TCF7L2: variants seen among roughly 807,000 people sequenced by gnomAD.
TCF7L2 encodes transcription factor 7 like 2.
In TCF7L2, 23 loss-of-function variants were observed where a neutral mutation model predicts 77.9. That is an observed-to-expected ratio of 0.30 (90% confidence interval 0.21 to 0.42). TCF7L2 has a LOEUF of 0.42. Among genes scored for constraint, TCF7L2 ranks in the 10% least tolerant of loss-of-function variants. The pLI is 1.00. For missense variants in TCF7L2, 654 were observed against 793.1 expected (o/e 0.82, Z 2.11); for synonymous variants, 413 against 340.2 (o/e 1.21, Z -2.36).
At chr10:113,044,638 G>A (rs368784571) in intron 5 of TCF7L2, among the ~76,000 whole-genome samples, 10 of 152,190 alleles carry the variant, frequency 6.6e-5, no homozygotes, top group Non-Finnish European at 8.8e-5. Context: ...AGAAGTTGGC[G>A]GGGATTACAG....
At position 113,151,153 on chromosome 10, in the gene TCF7L2, C is replaced by T. The variant is rs78289286; in HGVS notation, c.1001+30C>T. On this transcript the variant is annotated intron_variant, in intron 9 of 13. Coordinates refer to ENST00000627217, the MANE Select transcript of TCF7L2 (RefSeq NM_001146274.2). This position sits in a 1 kb window ranked among gnomAD's most constrained non-coding sequence, Gnocchi z 5.2. Reference sequence around the variant, plus strand: ...GTGTTGCTGTTTTTCTCACCTTCTTCGTAGCCGCAGTGTTCTGCAAGCCTG... The same window carrying T: ...GTGTTGCTGTTTTTCTCACCTTCTTTGTAGCCGCAGTGTTCTGCAAGCCTG... The T allele has an allele frequency of 8.1e-3, 13,092 of 1,613,956 alleles. 70 individuals carry two copies. The highest frequency in any genetic ancestry group is 9.1e-3 in the Non-Finnish European group (10,751 of 1,179,920).
chr10:113,089,732 C>T lies in TCF7L2; in HGVS notation c.552+49606C>T, dbSNP rs117955550. ...GATAGGGATATCATAGCCATAAAAACGCCTGTTTACAAGGAGAGGGTGGAG... is the reference window on the plus strand; with the variant it reads ...GATAGGGATATCATAGCCATAAAAATGCCTGTTTACAAGGAGAGGGTGGAG... On this transcript the variant is annotated intron_variant, in intron 5 of 13. Transcript: ENST00000627217. Among the ~76,000 whole-genome samples the T allele has an allele frequency of 4.1e-4, 63 of 152,276 alleles. No individual in the cohort carries two copies. In the East Asian group the frequency reaches 0.01, roughly 24 times the overall value.
chr10:112,980,476 A>G (rs1215209904), intron 4 of TCF7L2, among the ~76,000 whole-genome samples: 3 of 152,170 alleles, frequency 2.0e-5, no homozygotes, highest in African/African-American at 7.2e-5. Context: ...TTGATTTATG[A>G]AATGTATCAG....
intron 3 of TCF7L2, among the ~76,000 whole-genome samples, chr10:112,964,302 G>T (rs1021413219): frequency 1.3e-5 from 2 of 151,786 alleles, no homozygotes; most frequent in Non-Finnish European, 2.9e-5. Flanking sequence ...TCTCACTCGT[G>T]GCCCCCATCT....
intron 5 of TCF7L2, among the ~76,000 whole-genome samples, chr10:113,137,670 T>C (rs1449411582): frequency 6.6e-6 from 1 of 152,252 alleles, no homozygotes; most frequent in Non-Finnish European, 1.5e-5. Context: ...TCTGTGATTC[T>C]AAGGAGACTA....
At chr10:113,045,576 C>G (rs2053297378) in intron 5 of TCF7L2, among the ~76,000 whole-genome samples, 1 of 152,120 alleles carries the variant, frequency 6.6e-6, no homozygotes, top group Non-Finnish European at 1.5e-5. Flanking sequence ...GTGGGACATG[C>G]ATCAAGGTGG....
intron 5 of TCF7L2, among the ~76,000 whole-genome samples, chr10:113,093,717 A>G (rs189202528): frequency 9.8e-4 from 149 of 152,304 alleles, no homozygotes; most frequent in Middle Eastern, 3.4e-3. Flanking sequence ...ATTCATGTAC[A>G]TTTTAAAGCT....
At chr10:113,051,234 CACACACACAGACACAT>C (rs1259361129) in intron 5 of TCF7L2, among the ~76,000 whole-genome samples, 9 of 148,124 alleles carry the variant, frequency 6.1e-5, no homozygotes, top group Admixed American at 2.7e-4. Context: ...CACACACACA[CACACACACAGACACAT>C]ACATATGCAC....
chr10:113,093,036 C>T (rs1403048449), intron 5 of TCF7L2, among the ~76,000 whole-genome samples: 4 of 152,134 alleles, frequency 2.6e-5, no homozygotes, highest in African/African-American at 7.2e-5. Flanking sequence ...GGTGCTTCCC[C>T]GCTCCGTGAT....
chr10:113,107,219 A>G (rs1053016398), intron 5 of TCF7L2, among the ~76,000 whole-genome samples: 3 of 152,144 alleles, frequency 2.0e-5, no homozygotes, highest in Non-Finnish European at 4.4e-5. Flanking sequence ...GGAATGGACT[A>G]TGTTTAGTAT....
In TCF7L2 at chr10:113,151,147, C is replaced by A. The variant is rs2070663222; in HGVS notation, c.1001+24C>A. The A allele has an allele frequency of 6.2e-7, 1 of 1,613,794 alleles. No homozygotes were observed. The highest frequency in any genetic ancestry group is 8.5e-7 in the Non-Finnish European group (1 of 1,179,936). ...TCGTAAGTGTTGCTGTTTTTCTCAC[C>A]TTCTTCGTAGCCGCAGTGTTCTGCA... is the stretch of plus-strand genomic sequence containing the variant. On this transcript the variant is annotated intron_variant, in intron 9 of 13. Transcript: ENST00000627217. The surrounding 1 kb of genome is among the most constrained non-coding windows in gnomAD (Gnocchi z 5.2).
intron 13 of TCF7L2, among the ~76,000 whole-genome samples, chr10:113,164,999 A>G (rs2073865013): frequency 6.6e-6 from 1 of 152,070 alleles, no homozygotes; most frequent in Admixed American, 6.6e-5. Flanking sequence ...TGAGAGTTTC[A>G]TATTGATACG....
intron 5 of TCF7L2, among the ~76,000 whole-genome samples, chr10:113,076,310 T>C (rs2058695425): frequency 6.6e-6 from 1 of 152,078 alleles, no homozygotes; most frequent in South Asian, 2.1e-4. Flanking sequence ...GCTAACTTTT[T>C]TATTTTTTGT....
intron 4 of TCF7L2, among the ~76,000 whole-genome samples, chr10:112,993,831 C>T (rs1174447998): frequency 4.6e-5 from 7 of 152,022 alleles, no homozygotes; most frequent in African/African-American, 9.7e-5. Flanking sequence ...CCAAGGCGGG[C>T]GGATCTTGAG....
chr10:113,011,766 G>A (rs1398797808), intron 4 of TCF7L2, among the ~76,000 whole-genome samples: 2 of 152,128 alleles, frequency 1.3e-5, no homozygotes, highest in Non-Finnish European at 2.9e-5. Flanking sequence ...ACTGCCTTGA[G>A]TATCGCTGTT....
chr10:113,116,977 T>C (rs1033463578), intron 5 of TCF7L2, among the ~76,000 whole-genome samples: 1 of 152,214 alleles, frequency 6.6e-6, no homozygotes, highest in African/African-American at 2.4e-5. Flanking sequence ...ATCATAGATG[T>C]ACAACATGTT....
At chr10:112,975,618 A>G (rs2039269007) in intron 4 of TCF7L2, among the ~76,000 whole-genome samples, 1 of 152,068 alleles carries the variant, frequency 6.6e-6, no homozygotes, top group African/African-American at 2.4e-5. Flanking sequence ...AGTAGCTGGG[A>G]TTATAGGCGT....
chr10:113,029,102 T>G (rs975428376), intron 4 of TCF7L2, among the ~76,000 whole-genome samples: 2 of 152,206 alleles, frequency 1.3e-5, no homozygotes, highest in African/African-American at 4.8e-5. Context: ...TCAAGGGGCT[T>G]TAGGTATGTG....
intron 4 of TCF7L2, among the ~76,000 whole-genome samples, chr10:113,031,143 AG>A (rs1167192820): frequency 2.0e-5 from 3 of 152,218 alleles, no homozygotes; most frequent in Admixed American, 1.3e-4. Flanking sequence ...TGTATAACTA[AG>A]TCACTTAGTT....
Sources: gnomAD v4.1 joint callset for allele counts (sites outside exome capture counted in the v4.1 genomes callset) on GRCh38, gnomAD v4.1.1 for gene constraint, Gnocchi (gnomAD v3.1) non-coding constraint, MANE v1.5 for transcripts, NCBI Gene and HGNC (gene_info 2026-07-23, HGNC 2026-07-21) for gene names.